The following DACH2 variants were observed in gnomAD, a reference collection of about 807,000 sequenced individuals.
The protein encoded by DACH2 is dachshund family transcription factor 2.
In DACH2, 17 loss-of-function variants were observed where a neutral mutation model predicts 35.8. The ratio of observed to expected loss-of-function variants is 0.48; its 90% CI spans 0.33 to 0.71. The LOEUF (loss-of-function observed/expected upper bound fraction) is 0.71. Ranked by LOEUF, DACH2 falls within the 30% of genes least tolerant of loss-of-function variation. The pLI is 0.02. For missense variants in DACH2, 469 were observed against 472.7 expected, an observed-to-expected ratio of 0.99 and a Z score of 0.07; for synonymous variants, 195 against 177.3, an observed-to-expected ratio of 1.10 and a Z score of -0.79.
intron 6 of DACH2, among the ~76,000 whole-genome samples, chrX:86,716,121 G>A (rs888046987): frequency 2.7e-5 from 3 of 111,217 alleles, no homozygotes; most frequent in African/African-American, 6.5e-5. Flanking sequence ...AGACTTCACC[G>A]CTACACAAAT....
At chrX:86,249,298 T>C (rs2033352137) in intron 1 of DACH2, among the ~76,000 whole-genome samples, 1 of 111,289 alleles carries the variant, frequency 9.0e-6, no homozygotes, top group Admixed American at 9.6e-5. Flanking sequence ...ATTTGTATCT[T>C]ATGCATGCAA....
chrX:86,223,377 G>T (rs760556430), intron 1 of DACH2, among the ~76,000 whole-genome samples: 107 of 110,975 alleles, frequency 9.6e-4, no homozygotes, highest in Non-Finnish European at 1.7e-3. Context: ...ACAGATTTTG[G>T]TTTTTCTTGG....
chrX:86,532,129 T>C (rs753320988), intron 3 of DACH2, among the ~76,000 whole-genome samples: 5 of 112,514 alleles, frequency 4.4e-5, no homozygotes, highest in Non-Finnish European at 9.4e-5. Context: ...TGGAAGTAAC[T>C]ATATTGTTTT....
chrX:86,735,356 G>A (rs2041583902), intron 6 of DACH2, among the ~76,000 whole-genome samples: 1 of 111,601 alleles, frequency 9.0e-6, no homozygotes, highest in Non-Finnish European at 1.9e-5. Flanking sequence ...CAAATTGACT[G>A]TGTTAAACCT....
At chrX:86,688,935 C>A (rs1294834902) in intron 4 of DACH2, among the ~76,000 whole-genome samples, 1 of 111,566 alleles carries the variant, frequency 9.0e-6, no homozygotes, top group Non-Finnish European at 1.9e-5. Flanking sequence ...TTTTACTTTA[C>A]TTTAATTAAT....
At chrX:86,242,905 G>A (rs1477717170) in intron 1 of DACH2, among the ~76,000 whole-genome samples, 14 of 111,186 alleles carry the variant, frequency 1.3e-4, no homozygotes, top group Admixed American at 2.9e-4. Flanking sequence ...ACCTTCCACC[G>A]TGATTGTAAG....
intron 1 of DACH2, among the ~76,000 whole-genome samples, chrX:86,181,758 C>A (rs1438382665): frequency 9.0e-6 from 1 of 111,588 alleles, no homozygotes; most frequent in Non-Finnish European, 1.9e-5. Context: ...GAGGAATCAC[C>A]ACACTGTCTT....
Position 86,810,145 on chromosome X carries a change from C to A in DACH2, c.1241-2711C>A, listed in dbSNP as rs751879106. ...CATAGACCATGCAACCTGTCTTCAT[C>A]GTCAATATAATTTTCCTTTCAGCCA... On this transcript the variant is annotated intron_variant, in intron 7 of 11. Coordinates refer to ENST00000373125, the MANE Select transcript of DACH2 (RefSeq NM_053281.3). Among the ~76,000 whole-genome samples, 8 of 111,674 alleles carry A rather than the reference C, an allele frequency of 7.2e-5. No homozygotes were observed. In the South Asian group the frequency reaches 2.6e-3, roughly 37 times the overall value.
At chrX:86,328,338 T>C (rs757480624) in intron 1 of DACH2, among the ~76,000 whole-genome samples, 14 of 111,605 alleles carry the variant, frequency 1.3e-4, no homozygotes, top group South Asian at 3.7e-4. Context: ...AAGTATCTCA[T>C]TGGGGGAGTC....
intron 2 of DACH2, among the ~76,000 whole-genome samples, chrX:86,389,664 TC>T (rs910846304): frequency 2.7e-5 from 3 of 111,947 alleles, no homozygotes; most frequent in Non-Finnish European, 5.6e-5. Flanking sequence ...AACCAAAAAG[TC>T]CCATTGCTTC....
At chrX:86,536,051 G>T (rs1255609031) in intron 3 of DACH2, among the ~76,000 whole-genome samples, 1 of 110,838 alleles carries the variant, frequency 9.0e-6, no homozygotes, top group African/African-American at 3.3e-5. Flanking sequence ...ACAGAAAAAT[G>T]GGCTTTTAAC....
At chrX:86,389,790 A>G in intron 2 of DACH2, among the ~76,000 whole-genome samples, 1 of 112,383 alleles carries the variant, frequency 8.9e-6, no homozygotes, top group Non-Finnish European at 1.9e-5. Context: ...CCGAAATGCC[A>G]AACTGACAAA....
intron 2 of DACH2, among the ~76,000 whole-genome samples, chrX:86,506,637 C>T (rs1321730901): frequency 9.0e-6 from 1 of 111,342 alleles, no homozygotes; most frequent in Non-Finnish European, 1.9e-5. Flanking sequence ...TCAAGTGATC[C>T]TCCTTCCTCA....
intron 1 of DACH2, among the ~76,000 whole-genome samples, chrX:86,295,270 C>T (rs191729080): frequency 0.015 from 1,726 of 112,207 alleles, 40 homozygotes; most frequent in African/African-American, 0.053. Context: ...CCTCGCCCTG[C>T]TTCGGCTCGC....
At chrX:86,511,509 G>A (rs67380757) in intron 2 of DACH2, among the ~76,000 whole-genome samples, 2,854 of 111,023 alleles carry the variant, frequency 0.026, 88 homozygotes, top group African/African-American at 0.087. Context: ...TAAATAACAG[G>A]GCAAACACAC....
chrX:86,159,535 TG>T (rs1360696697), intron 1 of DACH2, among the ~76,000 whole-genome samples: 1 of 112,199 alleles, frequency 8.9e-6, no homozygotes, highest in Non-Finnish European at 1.9e-5. Context: ...GTACATTTTA[TG>T]CAAAGCATAC....
intron 3 of DACH2, among the ~76,000 whole-genome samples, chrX:86,610,363 CTCT>C (rs2039916983): frequency 5.7e-5 from 4 of 70,095 alleles, no homozygotes; most frequent in South Asian, 2.2e-3. Context: ...TCCTTCCTTC[CTCT>C]TTCTTTCTTT....
intron 1 of DACH2, among the ~76,000 whole-genome samples, chrX:86,183,346 G>A (rs994563911): frequency 1.8e-5 from 2 of 111,457 alleles, no homozygotes; most frequent in Non-Finnish European, 3.8e-5. Context: ...TTTGAGATAC[G>A]TTGTGAATAC....
chrX:86,451,929 G>A (rs1278338099), intron 2 of DACH2, among the ~76,000 whole-genome samples: 1 of 111,517 alleles, frequency 9.0e-6, no homozygotes, highest in African/African-American at 3.3e-5. Context: ...TGTACCGGTT[G>A]TAAGGGGAAT....
Sources: allele counts gnomAD v4.1 joint callset (sites outside exome capture counted in the v4.1 genomes callset), GRCh38; gene constraint gnomAD v4.1.1; transcripts MANE v1.5; gene names NCBI Gene and HGNC (gene_info 2026-07-23, HGNC 2026-07-21).